Variants in ABCD3 observed in about 807,000 individuals in gnomAD.
ABCD3 encodes the protein ATP binding cassette subfamily D member 3, also known as ATP-binding cassette sub-family D member 3.
Under a neutral mutation model 105.5 loss-of-function variants are expected in ABCD3, and 41 were observed. The ratio of observed to expected loss-of-function variants is 0.39; its 90% confidence interval spans 0.30 to 0.50. The LOEUF (loss-of-function observed/expected upper bound fraction) is 0.50. Ranked by LOEUF, ABCD3 falls within the 20% of genes least tolerant of loss-of-function variation. ABCD3 has a pLI of 0.84. For missense variants in ABCD3, 622 were observed against 806.3 expected, an observed-to-expected ratio of 0.77 and a Z score of 2.77; for synonymous variants, 258 against 269.0, an observed-to-expected ratio of 0.96 and a Z score of 0.40.
At chr1:94,386,994 G>A in the ABCD3 span, among the ~76,000 whole-genome samples, 1 of 152,222 alleles carries the variant, frequency 6.6e-6, no homozygotes, top group Non-Finnish European at 1.5e-5. Flanking sequence ...GCTATAAGAA[G>A]TTTAACTATC....
At chr1:94,385,180 A>T in the ABCD3 span, among the ~76,000 whole-genome samples, 2 of 152,158 alleles carry the variant, frequency 1.3e-5, no homozygotes, top group East Asian at 3.9e-4. Flanking sequence ...ACTTGTTCCC[A>T]GAGTGAAGAA....
Position 94,499,005 on chromosome 1 carries a change from G to A in ABCD3, c.1591G>A (p.Asp531Asn). Residue 531 changes from aspartate (D) to asparagine (N), a missense_variant, in exon 19 of 23, where the codon GAT becomes AAT. Coordinates refer to ENST00000370214, the MANE Select transcript of ABCD3 (RefSeq NM_002858.4). ...AGTGATATATCCAGATGGACGAGAA[G>A]ATCAGAAAAGGAAGGGAATTTCTGA... ...DQVIYPDGRE[D>N]QKRKGISDLV... The A allele has an allele frequency of 6.2e-7, 1 of 1,613,932 alleles. No homozygotes were observed.
chr1:94,498,736 C>T (rs1170705186), intron 17 of ABCD3, 47 bp from the exon 18 acceptor site: 1 of 1,612,778 alleles, frequency 6.2e-7, no homozygotes, highest in Admixed American at 1.7e-5. Context: ...CTGTCTACCA[C>T]TTTGTAAATT....
chr1:94,445,526 A>G (rs969262095), intron 1 of ABCD3, among the ~76,000 whole-genome samples: 4 of 152,202 alleles, frequency 2.6e-5, no homozygotes, highest in South Asian at 2.1e-4. Flanking sequence ...TAACGAAGTA[A>G]CAGAGCAGGT....
the ABCD3 span, among the ~76,000 whole-genome samples, chr1:94,385,845 T>G: frequency 6.6e-6 from 1 of 152,142 alleles, no homozygotes; most frequent in East Asian, 1.9e-4. Flanking sequence ...TATATGTCTA[T>G]ATATAGCAGG....
intron 20 of ABCD3, among the ~76,000 whole-genome samples, chr1:94,501,007 A>G (rs371100704): frequency 2.4e-4 from 36 of 152,276 alleles, no homozygotes; most frequent in African/African-American, 8.7e-4. Context: ...AAATGGAAGG[A>G]TGTGGTTCAG....
chr1:94,460,408 C>T (rs549263386), intron 2 of ABCD3, among the ~76,000 whole-genome samples: 1 of 152,278 alleles, frequency 6.6e-6, no homozygotes, highest in East Asian at 1.9e-4. Flanking sequence ...GGTTATTCAG[C>T]TGTGACTACA....
At chr1:94,423,660 G>A in intron 1 of ABCD3, among the ~76,000 whole-genome samples, 1 of 152,104 alleles carries the variant, frequency 6.6e-6, no homozygotes, top group East Asian at 1.9e-4. Context: ...ATAGTGAACA[G>A]CTTAAAATGC....
intron 2 of ABCD3, among the ~76,000 whole-genome samples, chr1:94,463,759 G>A (rs554867735): frequency 2.0e-5 from 3 of 152,262 alleles, no homozygotes; most frequent in African/African-American, 7.2e-5. Flanking sequence ...ACTCTTGAGA[G>A]AGGTAAGATT....
At chr1:94,434,817 T>C (rs1659837856) in intron 1 of ABCD3, among the ~76,000 whole-genome samples, 1 of 152,348 alleles carries the variant, frequency 6.6e-6, no homozygotes, top group East Asian at 1.9e-4. Flanking sequence ...TGCCAGCCAC[T>C]GCAGAAGCCT....
intron 22 of ABCD3, among the ~76,000 whole-genome samples, chr1:94,516,267 G>T (rs981005238): frequency 6.6e-6 from 1 of 151,884 alleles, no homozygotes; most frequent in Non-Finnish European, 1.5e-5. Context: ...AATTAGACAG[G>T]TAGCCTATAT....
chr1:94,500,485 G>A (rs1650040044), intron 20 of ABCD3, among the ~76,000 whole-genome samples: 1 of 151,990 alleles, frequency 6.6e-6, no homozygotes, highest in African/African-American at 2.4e-5. Context: ...ACGGTAGTTT[G>A]GGTACCTTGT....
the ABCD3 span, chr1:94,406,499 A>G: frequency 2.4e-6 from 1 of 410,118 alleles, no homozygotes; most frequent in South Asian, 2.0e-5. Context: ...GCTTCAGTTG[A>G]ATCCAGGTAC....
chr1:94,458,490 A>G (rs2147794), intron 1 of ABCD3, 117 bp from the exon 2 acceptor site: 367,526 of 870,726 alleles, frequency 0.42, 82,668 homozygotes, highest in Middle Eastern at 0.55. Flanking sequence ...TCTCACTATG[A>G]TGTGAAAAAG....
chr1:94,412,090 T>C, the ABCD3 span, among the ~76,000 whole-genome samples: 1 of 152,138 alleles, frequency 6.6e-6, no homozygotes. Context: ...TTGCCCCACA[T>C]TGTAAATGAA....
the ABCD3 span, among the ~76,000 whole-genome samples, chr1:94,388,591 C>T: frequency 6.6e-6 from 1 of 152,162 alleles, no homozygotes; most frequent in Non-Finnish European, 1.5e-5. Flanking sequence ...ATGTTCATCC[C>T]TTGACCAACT....
intron 1 of ABCD3, chr1:94,455,889 A>G (rs1459063110): frequency 5.8e-6 from 7 of 1,197,864 alleles, no homozygotes; most frequent in South Asian, 1.5e-5. Context: ...GTATCAATTT[A>G]TAACATTTAT....
the ABCD3 span, chr1:94,406,336 T>C: frequency 7.1e-6 from 1 of 140,566 alleles, no homozygotes; most frequent in East Asian, 1.8e-4. Flanking sequence ...TAGTATTTTG[T>C]TTTGTTTTTT....
chr1:94,402,805 T>C, the ABCD3 span, among the ~76,000 whole-genome samples: 3 of 152,298 alleles, frequency 2.0e-5, no homozygotes, highest in South Asian at 6.2e-4. Flanking sequence ...TCTCTTTTTT[T>C]TTCTTTTATT....
Sources: allele counts gnomAD v4.1 joint callset (sites outside exome capture counted in the v4.1 genomes callset), GRCh38; gene constraint gnomAD v4.1.1; transcripts MANE v1.5; gene names NCBI Gene and HGNC (gene_info 2026-07-23, HGNC 2026-07-21).